The following EFCAB11 variants were observed in gnomAD, a reference collection of about 807,000 sequenced individuals.
The protein encoded by EFCAB11 is EF-hand calcium-binding domain-containing protein 11.
A neutral mutation model predicts 23.0 loss-of-function variants in EFCAB11; 14 were observed. The observed-to-expected ratio is 0.61, with a 90% CI of 0.40 to 0.95. The LOEUF (loss-of-function observed/expected upper bound fraction) is 0.95. Among genes scored for constraint, EFCAB11 ranks in the 40% least tolerant of loss-of-function variants. EFCAB11 has a pLI of 0.00. For missense variants in EFCAB11, 198 were observed against 195.8 expected (o/e 1.01, Z -0.07); for synonymous variants, 65 against 66.6 (o/e 0.98, Z 0.11).
At chr14:89,835,247 T>C (rs923642748) in intron 5 of EFCAB11, among the ~76,000 whole-genome samples, 1 of 152,184 alleles carries the variant, frequency 6.6e-6, no homozygotes, top group Non-Finnish European at 1.5e-5. Flanking sequence ...TTTACACTGC[T>C]GATACAGGCT....
At chr14:89,887,687 C>A (rs748112770) in intron 5 of EFCAB11, among the ~76,000 whole-genome samples, 1 of 152,088 alleles carries the variant, frequency 6.6e-6, no homozygotes, top group Non-Finnish European at 1.5e-5. Flanking sequence ...ATGTACCAAC[C>A]ATTTAGAAAA....
intron 5 of EFCAB11, among the ~76,000 whole-genome samples, chr14:89,815,551 T>C (rs923813730): frequency 2.6e-5 from 4 of 151,912 alleles, no homozygotes; most frequent in African/African-American, 9.7e-5. Flanking sequence ...CTCAGCCTCT[T>C]GAGTAGCTGG....
At chr14:89,871,035 G>A (rs1888254141) in intron 5 of EFCAB11, among the ~76,000 whole-genome samples, 1 of 152,144 alleles carries the variant, frequency 6.6e-6, no homozygotes. Flanking sequence ...TCACTTTCCT[G>A]AACTTTTCAT....
intron 5 of EFCAB11, among the ~76,000 whole-genome samples, chr14:89,863,118 A>C (rs1294376304): frequency 6.6e-6 from 1 of 152,130 alleles, no homozygotes; most frequent in Admixed American, 6.5e-5. Context: ...GAAAAAAAAA[A>C]TGAAGAGTAA....
intron 5 of EFCAB11, among the ~76,000 whole-genome samples, chr14:89,877,012 G>A (rs1454257029): frequency 1.3e-5 from 2 of 151,984 alleles, no homozygotes; most frequent in Non-Finnish European, 2.9e-5. Flanking sequence ...GATAGTCAGA[G>A]TACTATCTAC....
intron 3 of EFCAB11, among the ~76,000 whole-genome samples, chr14:89,936,759 A>T (rs1890598789): frequency 6.6e-6 from 1 of 152,206 alleles, no homozygotes; most frequent in Non-Finnish European, 1.5e-5. Context: ...ACATAGTAAC[A>T]TGCTATTCCT....
chr14:89,827,382 C>T (rs1886728103), intron 5 of EFCAB11, among the ~76,000 whole-genome samples: 1 of 152,118 alleles, frequency 6.6e-6, no homozygotes, highest in Non-Finnish European at 1.5e-5. Flanking sequence ...GTGAGCCTCA[C>T]AGGAACTGCA....
At chr14:89,875,528 G>A (rs1888411513) in intron 5 of EFCAB11, among the ~76,000 whole-genome samples, 1 of 152,196 alleles carries the variant, frequency 6.6e-6, no homozygotes, top group Non-Finnish European at 1.5e-5. Context: ...AGAATTTGGT[G>A]ACCAGTTGGT....
intron 5 of EFCAB11, among the ~76,000 whole-genome samples, chr14:89,811,460 T>C (rs1028310002): frequency 2.6e-5 from 4 of 152,114 alleles, no homozygotes; most frequent in Non-Finnish European, 5.9e-5. Context: ...TTGTATTATG[T>C]GGGGAAGGAA....
At position 89,903,498 on chromosome 14, in the gene EFCAB11, T is replaced by C. The variant is rs143003877; in HGVS notation, c.410+28043A>G. ...ATACAGCTTTAGCACAAAAGTGAAA[T>C]ATACACTGCTAAGCAAAGGCTGTTT... On this transcript the variant is annotated intron_variant, in intron 5 of 5. Transcript: ENST00000316738. Among the ~76,000 whole-genome samples the C allele has an allele frequency of 9.3e-3, 1,413 of 151,740 alleles. 19 individuals carry two copies. Among genetic ancestry groups the C allele is most frequent in the Non-Finnish European group, 0.012 (788 of 67,984 alleles).
intron 5 of EFCAB11, among the ~76,000 whole-genome samples, chr14:89,879,347 T>A (rs911200594): frequency 1.3e-5 from 2 of 152,182 alleles, no homozygotes; most frequent in African/African-American, 4.8e-5. Flanking sequence ...CCTGTGTTAT[T>A]GTTCTTTTCC....
Position 89,830,971 on chromosome 14 carries a change from C to T in EFCAB11, c.411-33647G>A, listed in dbSNP as rs539348619. The T allele has an allele frequency of 7.2e-5, 11 of 152,270 alleles. No homozygotes were observed. The East Asian group carries it at 2.1e-3, about 29-fold the overall frequency. The allele number at this position is 152,270 out of a possible 1,614,324, so 9.4% of individuals were successfully genotyped here. ...ACCTATCATAGGTGAGATGAGAAGG[C>T]CCCTCCTGATGTACATTTTACAAGG... On this transcript the variant is annotated intron_variant, in intron 5 of 5. Transcript: ENST00000316738.
At chr14:89,916,636 C>T (rs757830414) in intron 5 of EFCAB11, among the ~76,000 whole-genome samples, 2 of 152,168 alleles carry the variant, frequency 1.3e-5, no homozygotes, top group Non-Finnish European at 2.9e-5. Context: ...TCTATTCCTT[C>T]GTTCATTTCA....
At chr14:89,932,864 T>A (rs1414421685) in intron 3 of EFCAB11, among the ~76,000 whole-genome samples, 1 of 152,208 alleles carries the variant, frequency 6.6e-6, no homozygotes, top group East Asian at 1.9e-4. Context: ...CAAGACACTT[T>A]TAGGGTTCAC....
chr14:89,949,426 T>C (rs1891087239), intron 3 of EFCAB11, among the ~76,000 whole-genome samples: 1 of 152,162 alleles, frequency 6.6e-6, no homozygotes, highest in Non-Finnish European at 1.5e-5. Context: ...GTGCAATGGC[T>C]CAATCTCAGC....
intron 5 of EFCAB11, among the ~76,000 whole-genome samples, chr14:89,911,880 G>A (rs1889690395): frequency 6.6e-6 from 1 of 152,192 alleles, no homozygotes; most frequent in African/African-American, 2.4e-5. Flanking sequence ...CCTGTGCCAG[G>A]CACAGGGCTG....
At chr14:89,929,371 G>A (rs1187698202) in intron 5 of EFCAB11, among the ~76,000 whole-genome samples, 4 of 151,912 alleles carry the variant, frequency 2.6e-5, no homozygotes, top group African/African-American at 7.3e-5. Flanking sequence ...TTTAATAATT[G>A]TGTGCTAAAA....
chr14:89,910,208 A>G (rs1047256753), intron 5 of EFCAB11, among the ~76,000 whole-genome samples: 1 of 152,238 alleles, frequency 6.6e-6, no homozygotes, highest in Admixed American at 6.5e-5. Context: ...TCTCTCTTAC[A>G]GTGATTAGGG....
intron 5 of EFCAB11, among the ~76,000 whole-genome samples, chr14:89,887,554 G>C (rs940043924): frequency 6.6e-6 from 1 of 152,140 alleles, no homozygotes; most frequent in African/African-American, 2.4e-5. Context: ...TCCTTATGTG[G>C]TATTTAAGTA....
Sources: gnomAD v4.1 joint callset for allele counts (sites outside exome capture counted in the v4.1 genomes callset) on GRCh38, gnomAD v4.1.1 for gene constraint, MANE v1.5 for transcripts, NCBI Gene and HGNC (gene_info 2026-07-23, HGNC 2026-07-21) for gene names.